FAAH2: variants seen among roughly 807,000 people sequenced by gnomAD.
FAAH2 encodes the protein fatty-acid amide hydrolase 2.
Under a neutral mutation model 36.9 loss-of-function variants are expected in FAAH2, and 60 were observed. The observed-to-expected ratio is 1.63, with a 90% confidence interval of 1.32 to 2.02. The LOEUF (loss-of-function observed/expected upper bound fraction) is 2.02, where lower values mean the gene tolerates loss of function less well. FAAH2 is among the 30% of genes most tolerant of loss of function. The pLI is 0.00. For synonymous variants in FAAH2, 214 were observed against 143.8 expected (o/e 1.49, Z -3.49); for missense variants, 689 against 397.5 (o/e 1.73, Z -6.23).
the FAAH2 span, among the ~76,000 whole-genome samples, chrX:57,125,161 T>C: frequency 1.8e-5 from 2 of 112,818 alleles, no homozygotes; most frequent in Non-Finnish European, 3.7e-5. Context: ...TAGCTCTTAT[T>C]ATTTTGAGAC....
chrX:57,389,948 T>A (rs937473437), intron 7 of FAAH2, among the ~76,000 whole-genome samples: 5 of 110,379 alleles, frequency 4.5e-5, no homozygotes, highest in Admixed American at 3.9e-4. Context: ...TTAGTGTTGT[T>A]GATTTTTTTT....
the FAAH2 span, among the ~76,000 whole-genome samples, chrX:57,139,755 C>A: frequency 6.3e-5 from 7 of 111,690 alleles, no homozygotes; most frequent in African/African-American, 2.0e-4. Context: ...CGCCTGTCCC[C>A]ATAGGTTTAT....
chrX:57,153,753 A>G, the FAAH2 span, among the ~76,000 whole-genome samples: 99 of 112,349 alleles, frequency 8.8e-4, no homozygotes, highest in Middle Eastern at 4.6e-3. Flanking sequence ...GTTTTCCTTT[A>G]TAGGTTACCT....
At chrX:57,176,559 T>C in the FAAH2 span, among the ~76,000 whole-genome samples, 1 of 111,778 alleles carries the variant, frequency 8.9e-6, no homozygotes, top group African/African-American at 3.2e-5. Context: ...CCTTTTAAAT[T>C]CTTCATCTGG....
chrX:57,365,489 T>A (rs1303527562), intron 5 of FAAH2, among the ~76,000 whole-genome samples: 1 of 111,850 alleles, frequency 8.9e-6, no homozygotes, highest in Admixed American at 9.5e-5. Flanking sequence ...GCCATTAACA[T>A]ATTTTCTTTC....
intron 10 of FAAH2, among the ~76,000 whole-genome samples, chrX:57,480,793 G>C (rs1019698448): frequency 9.0e-6 from 1 of 111,129 alleles, no homozygotes. Context: ...TGTCTTGCTA[G>C]GTTGGGGAAT....
intron 10 of FAAH2, 119 bp downstream of exon 10, chrX:57,448,837 C>A (rs751514166): frequency 2.9e-6 from 2 of 687,038 alleles, no homozygotes; most frequent in East Asian, 3.3e-5. Context: ...TATAAAAGTG[C>A]TGTGTGATTG....
At chrX:57,165,931 C>A in the FAAH2 span, among the ~76,000 whole-genome samples, 1 of 110,346 alleles carries the variant, frequency 9.1e-6, no homozygotes, top group Non-Finnish European at 1.9e-5. Context: ...CCATGCCCCC[C>A]ATCCTGTGCC....
chrX:57,394,778 A>G, intron 7 of FAAH2: 1 of 965,894 alleles, frequency 1.0e-6, no homozygotes, highest in Non-Finnish European at 1.5e-6. Flanking sequence ...ACCAGTTGCA[A>G]CCACCAGGAT....
chrX:57,274,281 CA>C, the FAAH2 span, among the ~76,000 whole-genome samples: 1 of 111,460 alleles, frequency 9.0e-6, no homozygotes, highest in Non-Finnish European at 1.9e-5. Flanking sequence ...GCCTACTAAC[CA>C]AAAAAGTCCA....
chrX:57,237,473 T>A, the FAAH2 span, among the ~76,000 whole-genome samples: 1 of 111,443 alleles, frequency 9.0e-6, no homozygotes, highest in Non-Finnish European at 1.9e-5. Flanking sequence ...ATATATACTA[T>A]GCTATTTGTA....
the FAAH2 span, among the ~76,000 whole-genome samples, chrX:57,247,730 A>G: frequency 2.7e-5 from 3 of 112,210 alleles, no homozygotes; most frequent in Non-Finnish European, 5.6e-5. Context: ...AGTAATACAC[A>G]TCGCTTTCAT....
chrX:57,195,962 C>T, the FAAH2 span, among the ~76,000 whole-genome samples: 7 of 111,826 alleles, frequency 6.3e-5, no homozygotes, highest in Admixed American at 1.9e-4. Flanking sequence ...GGTCTATGTG[C>T]CTATTTTTAT....
the FAAH2 span, among the ~76,000 whole-genome samples, chrX:57,186,056 A>T: frequency 9.0e-6 from 1 of 111,233 alleles, no homozygotes; most frequent in Non-Finnish European, 1.9e-5. Context: ...TAGTAGAATG[A>T]TTTATAATCA....
the FAAH2 span, among the ~76,000 whole-genome samples, chrX:57,203,855 T>C: frequency 1.8e-5 from 2 of 111,927 alleles, no homozygotes; most frequent in Non-Finnish European, 3.8e-5. Context: ...GCTTTTTTAT[T>C]CTTTCCCAAA....
intron 5 of FAAH2, among the ~76,000 whole-genome samples, chrX:57,347,604 G>GTTTTTTTTTTTTTTTTTTTTTTTTT (rs61323098): frequency 3.9e-5 from 3 of 77,900 alleles, no homozygotes; most frequent in African/African-American, 2.0e-4. Context: ...GGGATGCTAA[G>GTTTTTTTTTTTTTTTTTTTTTTTTT]TTTTTTTTTT....
chrX:57,425,515 C>T (rs758050901), intron 7 of FAAH2, among the ~76,000 whole-genome samples: 50 of 111,843 alleles, frequency 4.5e-4, no homozygotes, highest in Non-Finnish European at 7.2e-4. Context: ...AAACAGCAGA[C>T]TTCTCAACAG....
chrX:57,438,988 A>G (rs1032556152), intron 8 of FAAH2, among the ~76,000 whole-genome samples: 3 of 110,445 alleles, frequency 2.7e-5, no homozygotes, highest in African/African-American at 9.9e-5. Context: ...CATTTTCTTA[A>G]TCCAGTCTAT....
At chrX:57,341,436 G>T in intron 5 of FAAH2, 46 bp downstream of exon 5, 1 of 1,155,492 alleles carries the variant, frequency 8.7e-7, no homozygotes, top group Non-Finnish European at 1.2e-6. Context: ...TTATAATTCA[G>T]AGCAATTCAG....
Sources: gnomAD v4.1 joint callset for allele counts (sites outside exome capture counted in the v4.1 genomes callset) on GRCh38, gnomAD v4.1.1 for gene constraint, MANE v1.5 for transcripts, NCBI Gene and HGNC (gene_info 2026-07-23, HGNC 2026-07-21) for gene names.